Variants in DMC1 observed in about 807,000 individuals in gnomAD.
DMC1 encodes the protein meiotic recombination protein DMC1 homolog.
Under a neutral mutation model 50.1 loss-of-function variants are expected in DMC1, and 27 were observed. The observed-to-expected ratio is 0.54, with a 90% CI of 0.40 to 0.74. The LOEUF is 0.74. Among genes scored for constraint, DMC1 ranks in the 30% least tolerant of loss-of-function variants. The pLI, the probability that DMC1 is intolerant of heterozygous loss-of-function variation, is 0.00. For synonymous variants in DMC1, 148 were observed against 136.1 expected (o/e 1.09, Z -0.61); for missense variants, 295 against 420.2 (o/e 0.70, Z 2.60).
At chr22:38,532,827 T>A (rs1310648676) in intron 12 of DMC1, among the ~76,000 whole-genome samples, 1 of 151,586 alleles carries the variant, frequency 6.6e-6, no homozygotes, top group Non-Finnish European at 1.5e-5. Flanking sequence ...CTATGTGACT[T>A]AGGCTCCTGG....
intron 5 of DMC1, among the ~76,000 whole-genome samples, chr22:38,560,948 C>A (rs944200928): frequency 1.3e-5 from 2 of 151,934 alleles, no homozygotes; most frequent in African/African-American, 4.8e-5. Flanking sequence ...GATGAAGACT[C>A]TCATCTTTAA....
intron 6 of DMC1, among the ~76,000 whole-genome samples, chr22:38,554,329 A>G (rs1230552257): frequency 2.0e-5 from 3 of 152,036 alleles, no homozygotes; most frequent in African/African-American, 7.2e-5. Context: ...TTGAACTTTC[A>G]TAGATTAAAA....
At chr22:38,517,685 C>G (rs1398102381), downstream of DMC1, among the ~76,000 whole-genome samples, 1 of 152,210 alleles carries the variant, frequency 6.6e-6, no homozygotes, top group Non-Finnish European at 1.5e-5. Context: ...CTTCCTTTCC[C>G]TAGGACAAAA....
intron 9 of DMC1, 64 bp downstream of exon 9, chr22:38,539,257 A>G: frequency 9.0e-7 from 1 of 1,116,866 alleles, no homozygotes. Context: ...TGTATCCCTC[A>G]AGTAGTAAAT....
At chr22:38,524,137 C>T (rs1000248111) in intron 12 of DMC1, among the ~76,000 whole-genome samples, 26 of 152,042 alleles carry the variant, frequency 1.7e-4, no homozygotes, top group Non-Finnish European at 2.6e-4. Context: ...AGGGCTTGGC[C>T]GGGCACAGTG....
chr22:38,510,010 T>C, the DMC1 span, among the ~76,000 whole-genome samples: 1 of 152,076 alleles, frequency 6.6e-6, no homozygotes, highest in Non-Finnish European at 1.5e-5. Context: ...CCGGGCCTAA[T>C]AGAAATAGTC....
At chr22:38,546,832 G>A (rs1368149644) in intron 8 of DMC1, among the ~76,000 whole-genome samples, 1 of 152,140 alleles carries the variant, frequency 6.6e-6, no homozygotes, top group East Asian at 1.9e-4. Flanking sequence ...ACCATGCAAA[G>A]TTCTCTGTGA....
At chr22:38,510,419 C>A in the DMC1 span, among the ~76,000 whole-genome samples, 1 of 152,182 alleles carries the variant, frequency 6.6e-6, no homozygotes, top group East Asian at 1.9e-4. Flanking sequence ...GGCACCATTG[C>A]ACTCCAACCT....
At chr22:38,552,754 A>G (rs1017379033) in intron 6 of DMC1, 47 bp from the exon 7 acceptor site, 1 of 1,264,658 alleles carries the variant, frequency 7.9e-7, no homozygotes, top group Non-Finnish European at 1.2e-6. Context: ...TAATTTCCAG[A>G]TATTTTCATA....
chr22:38,546,824 C>T (rs2090349291), intron 8 of DMC1, among the ~76,000 whole-genome samples: 1 of 152,096 alleles, frequency 6.6e-6, no homozygotes, highest in Admixed American at 6.6e-5. Flanking sequence ...AGAAATATAC[C>T]ATGCAAAGTT....
chr22:38,563,385 C>T (rs953953154), intron 4 of DMC1, among the ~76,000 whole-genome samples: 2 of 152,266 alleles, frequency 1.3e-5, no homozygotes, highest in South Asian at 4.1e-4. Context: ...GACAGCCAAG[C>T]CCAGGTCCTA....
intron 9 of DMC1, 129 bp from the exon 10 acceptor site, chr22:38,538,741 A>C: frequency 1.1e-6 from 1 of 871,290 alleles, no homozygotes; most frequent in South Asian, 1.4e-5. Flanking sequence ...TGACTTTATT[A>C]AATATTATTG....
chr22:38,535,620 G>GT (rs2145849020), intron 12 of DMC1, among the ~76,000 whole-genome samples: 1 of 138,618 alleles, frequency 7.2e-6, no homozygotes, highest in African/African-American at 2.7e-5. Context: ...TTTTTTTTTT[G>GT]TTTTTGAGAC....
At chr22:38,511,766 C>T in the DMC1 span, among the ~76,000 whole-genome samples, 1 of 152,054 alleles carries the variant, frequency 6.6e-6, no homozygotes, top group Non-Finnish European at 1.5e-5. Flanking sequence ...ATGCCTGGCT[C>T]CTTTTCCTCC....
intron 7 of DMC1, 71 bp from the exon 8 acceptor site, chr22:38,550,068 A>G: frequency 9.1e-7 from 1 of 1,102,996 alleles, no homozygotes; most frequent in South Asian, 1.3e-5. Flanking sequence ...ATAAATACAC[A>G]TGGAATCTGC....
intron 12 of DMC1, among the ~76,000 whole-genome samples, chr22:38,530,484 GA>G (rs2090141644): frequency 6.6e-6 from 1 of 152,040 alleles, no homozygotes; most frequent in Admixed American, 6.6e-5. Flanking sequence ...GGGGAGGTGA[GA>G]TGGGGAGGGA....
chr22:38,564,145 G>A (rs1343074573), intron 4 of DMC1, among the ~76,000 whole-genome samples: 3 of 152,136 alleles, frequency 2.0e-5, no homozygotes, highest in Non-Finnish European at 2.9e-5. Context: ...CTCCAGCCAG[G>A]GTGATAGAGT....
chr22:38,551,961 C>A (rs1285133392), intron 7 of DMC1, among the ~76,000 whole-genome samples: 6 of 150,032 alleles, frequency 4.0e-5, no homozygotes, highest in Non-Finnish European at 8.9e-5. Flanking sequence ...CCCGGGTTCA[C>A]GCCATTCTCC....
chr22:38,525,744 C>T (rs1440340409), intron 12 of DMC1, among the ~76,000 whole-genome samples: 1 of 152,068 alleles, frequency 6.6e-6, no homozygotes, highest in African/African-American at 2.4e-5. Context: ...AGTTCAAGAC[C>T]AGTCTGGACA....
Sources: gnomAD v4.1 joint callset for allele counts (sites outside exome capture counted in the v4.1 genomes callset) on GRCh38, gnomAD v4.1.1 for gene constraint, MANE v1.5 for transcripts, NCBI Gene and HGNC (gene_info 2026-07-23, HGNC 2026-07-21) for gene names.